KIAA0319: variants seen among roughly 807,000 people sequenced by gnomAD.
KIAA0319 encodes the protein KIAA0319, also known as dyslexia-associated protein KIAA0319.
A neutral mutation model predicts 108.4 loss-of-function variants in KIAA0319; 83 were observed. That is an observed-to-expected ratio of 0.77 (90% CI 0.64 to 0.92). KIAA0319 has a LOEUF of 0.92. KIAA0319 is among the 40% of genes least tolerant of loss of function. The pLI, the probability that KIAA0319 is intolerant of heterozygous loss-of-function variation, is 0.00. For missense variants in KIAA0319, 1,195 were observed against 1,322.4 expected (o/e 0.90, Z 1.49); for synonymous variants, 484 against 510.4 (o/e 0.95, Z 0.70).
intron 4 of KIAA0319, among the ~76,000 whole-genome samples, chr6:24,585,979 C>G (rs1197757928): frequency 1.3e-5 from 2 of 152,162 alleles, no homozygotes; most frequent in Non-Finnish European, 2.9e-5. Context: ...ATCCCAGTTA[C>G]TCAGGAAGCT....
intron 1 of KIAA0319, among the ~76,000 whole-genome samples, chr6:24,636,422 C>T (rs1418540598): frequency 6.6e-6 from 1 of 152,054 alleles, no homozygotes; most frequent in Non-Finnish European, 1.5e-5. Context: ...TTTTTTGCAC[C>T]AAAATAAACT....
Position 24,596,302 on chromosome 6 carries a change from GC to G in KIAA0319, c.371del (p.Gly124AlafsTer18). Reference sequence around the variant, plus strand: ...AGTCCCCCCAGATCCCCGAGGGGGAGCCCCTGTTCAGCATCATGTCCCCATA... The same window carrying G: ...AGTCCCCCCAGATCCCCGAGGGGGAGCCCTGTTCAGCATCATGTCCCCATA... Reference protein sequence around the residue: ...LDYGDMMLNRGSPSGIWGDSP... With the variant: ...LDYGDMMLNRXSPSGIWGDSP... On this transcript the variant is annotated frameshift_variant, in exon 3 of 21. Transcript: ENST00000378214. LOFTEE classifies it high-confidence loss of function. 6.2e-7 allele frequency: 1 copy of G among 1,614,124 alleles called. No homozygotes were observed. Among genetic ancestry groups the G allele is most frequent in the Non-Finnish European group, 8.5e-7 (1 of 1,179,968 alleles).
intron 1 of KIAA0319, among the ~76,000 whole-genome samples, chr6:24,622,621 T>A (rs58491962): frequency 0.13 from 19,368 of 152,240 alleles, 1,546 homozygotes; most frequent in South Asian, 0.33. Flanking sequence ...ATATATTAAG[T>A]ACCTCCTATG....
chr6:24,624,234 G>T (rs1221000212), intron 1 of KIAA0319, among the ~76,000 whole-genome samples: 3 of 140,410 alleles, frequency 2.1e-5, no homozygotes, highest in African/African-American at 8.0e-5. Flanking sequence ...TAGAGACAGG[G>T]TTTCATCATA....
intron 3 of KIAA0319, among the ~76,000 whole-genome samples, chr6:24,591,876 T>G (rs1768532158): frequency 6.6e-6 from 1 of 152,194 alleles, no homozygotes; most frequent in Admixed American, 6.5e-5. Context: ...TGCCCATGTT[T>G]GAGTTGGGTT....
At chr6:24,595,390 C>A (rs1460481805) in intron 3 of KIAA0319, among the ~76,000 whole-genome samples, 1 of 151,564 alleles carries the variant, frequency 6.6e-6, no homozygotes, top group African/African-American at 2.4e-5. Flanking sequence ...ACTAAAAATA[C>A]AAAAAAATTA....
chr6:24,599,914 G>T lies in KIAA0319; in HGVS notation c.55+1135C>A. On this transcript the variant is annotated intron_variant, in intron 2 of 20. Transcript: ENST00000378214. The surrounding 1 kb of genome is among the most constrained non-coding windows in gnomAD (Gnocchi z 4.1). ...ACCTGAGGCTCAGCGCTCGCCCTCA[G>T]CCGACCCGCGGGAGAGTTCACTGCC... 1 of 292,188 alleles carries T rather than the reference G, an allele frequency of 3.4e-6. No homozygotes were observed. The highest frequency in any genetic ancestry group is 6.5e-6 in the Non-Finnish European group (1 of 153,270). 18.1% of individuals were successfully genotyped at this position (292,188 alleles called of 1,614,324 possible).
intron 9 of KIAA0319, among the ~76,000 whole-genome samples, chr6:24,577,721 C>A (rs1435589204): frequency 1.3e-5 from 2 of 152,220 alleles, no homozygotes; most frequent in South Asian, 4.1e-4. Context: ...ACTTCTACTT[C>A]TGGCTCTGAC....
chr6:24,541,968 C>T (rs1051272231), downstream of KIAA0319, among the ~76,000 whole-genome samples: 5 of 152,118 alleles, frequency 3.3e-5, no homozygotes, highest in Non-Finnish European at 5.9e-5. Context: ...GGCGAAACTC[C>T]GTCGCTACTA....
In KIAA0319 at chr6:24,636,183, G is replaced by T. The variant is rs77667203; in HGVS notation, c.-106+9553C>A. The stretch of plus-strand genomic sequence containing the variant: ...CAAAACACTTTGAATACATACCTAC[G>T]CCCCAAAGAAAGGGAATCTCTAGGT... On this transcript the variant is annotated intron_variant, in intron 1 of 20. Coordinates refer to ENST00000378214, the MANE Select transcript of KIAA0319 (RefSeq NM_014809.4). 6.2e-3 allele frequency among the ~76,000 whole-genome samples: 939 copies of T among 152,144 alleles called. 8 individuals carry two copies. Among genetic ancestry groups the T allele is most frequent in the African/African-American group, 0.022 (900 of 41,480 alleles).
At chr6:24,560,718 G>A (rs544612965) in intron 16 of KIAA0319, among the ~76,000 whole-genome samples, 1 of 152,290 alleles carries the variant, frequency 6.6e-6, no homozygotes, top group South Asian at 2.1e-4. Context: ...GTTACATGGT[G>A]TTCTTCCTGT....
At chr6:24,601,488 T>C (rs973656811) in intron 1 of KIAA0319, among the ~76,000 whole-genome samples, 1 of 152,188 alleles carries the variant, frequency 6.6e-6, no homozygotes, top group Non-Finnish European at 1.5e-5. Context: ...TCAGAGCTTG[T>C]TATAGAAAGG....
At chr6:24,577,816 G>C (rs1471690802) in intron 9 of KIAA0319, among the ~76,000 whole-genome samples, 1 of 152,128 alleles carries the variant, frequency 6.6e-6, no homozygotes, top group African/African-American at 2.4e-5. Context: ...TTCTTCATGG[G>C]TTAGCAGCAG....
chr6:24,560,755 C>A (rs377396412), intron 16 of KIAA0319, among the ~76,000 whole-genome samples: 1 of 152,192 alleles, frequency 6.6e-6, no homozygotes, highest in South Asian at 2.1e-4. Context: ...CTCTTGTCCT[C>A]TTCTTAGAAG....
At chr6:24,583,278 T>C (rs1384435284) in intron 5 of KIAA0319, 1 of 1,004,450 alleles carries the variant, frequency 1.0e-6, no homozygotes, top group Admixed American at 5.6e-5. Flanking sequence ...CGGTGGAATC[T>C]TCCCAGGTTC....
chr6:24,579,712 TAAAG>T, intron 8 of KIAA0319, 142 bp downstream of exon 8: 1 of 622,494 alleles, frequency 1.6e-6, no homozygotes, highest in East Asian at 2.9e-5. Flanking sequence ...CTAAAGGAAC[TAAAG>T]AAGACATAAA....
intron 1 of KIAA0319, among the ~76,000 whole-genome samples, chr6:24,625,546 C>T (rs1774587292): frequency 6.6e-6 from 1 of 152,166 alleles, no homozygotes; most frequent in Non-Finnish European, 1.5e-5. Context: ...CTCACCACTT[C>T]TATCCAACAT....
intron 1 of KIAA0319, among the ~76,000 whole-genome samples, chr6:24,618,364 T>G (rs2127565433): frequency 6.6e-6 from 1 of 152,214 alleles, no homozygotes; most frequent in South Asian, 2.1e-4. Context: ...ACCCCAACAC[T>G]TTGGGAGGCC....
At chr6:24,636,284 G>A (rs1776192325) in intron 1 of KIAA0319, among the ~76,000 whole-genome samples, 1 of 152,198 alleles carries the variant, frequency 6.6e-6, no homozygotes, top group Non-Finnish European at 1.5e-5. Context: ...AGGATTTTAG[G>A]ATCTGAACAT....
Sources: allele counts gnomAD v4.1 joint callset (sites outside exome capture counted in the v4.1 genomes callset), GRCh38; gene constraint gnomAD v4.1.1; non-coding constraint Gnocchi (gnomAD v3.1); transcripts MANE v1.5; gene names NCBI Gene and HGNC (gene_info 2026-07-23, HGNC 2026-07-21).